Variants in ENTPD5 observed in about 807,000 individuals in gnomAD.
ENTPD5 encodes the protein ectonucleoside triphosphate diphosphohydrolase 5 (inactive), also known as nucleoside diphosphate phosphatase ENTPD5.
In ENTPD5, 49 loss-of-function variants were observed where a neutral mutation model predicts 60.2. The ratio of observed to expected loss-of-function variants is 0.81; its 90% CI spans 0.65 to 1.03. The LOEUF (loss-of-function observed/expected upper bound fraction) is 1.03. Ranked by LOEUF, ENTPD5 falls within the 50% of genes least tolerant of loss-of-function variation. The pLI is 0.00. For synonymous variants in ENTPD5, 187 were observed against 185.4 expected, an observed-to-expected ratio of 1.01 and a Z score of -0.07; for missense variants, 480 against 507.6, an observed-to-expected ratio of 0.95 and a Z score of 0.52.
intron 14 of ENTPD5, among the ~76,000 whole-genome samples, chr14:73,971,261 G>A (rs150179269): frequency 0.084 from 12,789 of 151,512 alleles, 873 homozygotes; most frequent in East Asian, 0.32. Context: ...AGGTTCAAGC[G>A]ATTCTCCTAC....
intron 4 of ENTPD5, chr14:73,987,221 G>A: frequency 1.4e-6 from 1 of 690,930 alleles, no homozygotes; most frequent in Middle Eastern, 2.9e-4. Flanking sequence ...GGATGGCAGT[G>A]AAATTCTCAT....
At chr14:74,007,862 A>T (rs1024265110) in intron 3 of ENTPD5, 2 of 141,780 alleles carry the variant, frequency 1.4e-5, no homozygotes, top group Non-Finnish European at 3.0e-5. Flanking sequence ...ATGGAGTCTC[A>T]CTCTGTCACT....
In ENTPD5 at chr14:73,964,238, A is replaced by G. The variant is rs1467988122; in HGVS notation, c.*2690T>C. Reference sequence around the variant, plus strand: ...ACAATGATGTTAAACACCATCTGTCACGTACCAGGCCATGTCCTAAGTATT... The same window carrying G: ...ACAATGATGTTAAACACCATCTGTCGCGTACCAGGCCATGTCCTAAGTATT... On this transcript the variant is annotated 3_prime_UTR_variant, in exon 16 of 16. Coordinates refer to ENST00000334696, the MANE Select transcript of ENTPD5 (RefSeq NM_001249.5). The G allele has an allele frequency of 6.6e-6, 1 of 152,222 alleles. No homozygotes were observed. Among genetic ancestry groups the G allele is most frequent in the Admixed American group, 6.5e-5 (1 of 15,284 alleles). 9.4% of individuals were successfully genotyped at this position (152,222 alleles called of 1,614,324 possible). A position where few individuals can be genotyped will look rare whatever the true frequency, so the allele number is the denominator to read the frequency against.
chr14:73,960,771 A>T, downstream of ENTPD5: 1 of 413,334 alleles, frequency 2.4e-6, no homozygotes, highest in Non-Finnish European at 4.2e-6. Context: ...GAAAGACTGG[A>T]GGAGTTAAAA....
downstream of ENTPD5, chr14:73,955,512 G>A: frequency 6.2e-7 from 1 of 1,613,602 alleles, no homozygotes; most frequent in Non-Finnish European, 8.5e-7. Flanking sequence ...GAATGCAGGT[G>A]CCCCTTTATC....
downstream of ENTPD5, chr14:73,959,604 C>G: frequency 1.2e-6 from 2 of 1,602,444 alleles, no homozygotes; most frequent in Non-Finnish European, 1.7e-6. Context: ...TGAAACGGAT[C>G]CTTGCCAGGC....
chr14:73,983,986 T>C (rs1207114081), intron 5 of ENTPD5, among the ~76,000 whole-genome samples: 1 of 152,020 alleles, frequency 6.6e-6, no homozygotes, highest in Non-Finnish European at 1.5e-5. Flanking sequence ...CCACCGTGCC[T>C]GGCCAAATTA....
chr14:74,010,041 C>T lies in ENTPD5; in HGVS notation c.-71+1050G>A, dbSNP rs146761108. 4.8e-3 allele frequency among the ~76,000 whole-genome samples: 734 copies of T among 152,272 alleles called. 3 individuals carry two copies. Among genetic ancestry groups the T allele is most frequent in the African/African-American group, 0.015 (622 of 41,550 alleles). ...TCCTGATCTCGTGATCCGCCTGCCT[C>T]GGCCTCTCAAAGTGCTGGGATTACA... is the stretch of plus-strand genomic sequence containing the variant. On this transcript the variant is annotated intron_variant, in intron 3 of 15. Coordinates refer to ENST00000334696, the MANE Select transcript of ENTPD5 (RefSeq NM_001249.5).
rs780211543 is a variant in ENTPD5, at chr14:73,987,876, T to A, written c.217+10A>T. On this transcript the variant is annotated intron_variant, in intron 4 of 15. Transcript: ENST00000334696. ...TTACAGACTCTACTAAGGGTCCCAG[T>A]TGCACTTACCTGGCATTTTCTGCAC... 4 of 1,613,780 alleles carry A rather than the reference T, an allele frequency of 2.5e-6. No individual in the cohort carries two copies. The highest frequency in any genetic ancestry group is 3.4e-6 in the Non-Finnish European group (4 of 1,179,862).
intron 5 of ENTPD5, 155 bp downstream of exon 5, chr14:73,986,659 A>C (rs2057913407): frequency 4.7e-6 from 3 of 642,950 alleles, no homozygotes; most frequent in Admixed American, 2.8e-5. Flanking sequence ...TGGGAAATGT[A>C]ATTAATTTTA....
chr14:73,956,202 C>A (rs1281145320), downstream of ENTPD5: 1 of 374,786 alleles, frequency 2.7e-6, no homozygotes, highest in Non-Finnish European at 5.2e-6. Context: ...GTGGCGGGCG[C>A]CTATAGACCC....
chr14:73,993,925 C>CA (rs922984024), intron 3 of ENTPD5, among the ~76,000 whole-genome samples: 28 of 87,188 alleles, frequency 3.2e-4, no homozygotes, highest in African/African-American at 4.1e-4. Context: ...AAAAAACAAA[C>CA]AAAAAAAAAC....
rs961962087 is a variant in ENTPD5, at chr14:73,964,248, C to T, written c.*2680G>A. 3.3e-5 allele frequency: 5 copies of T among 152,138 alleles called. No individual in the cohort carries two copies. Among genetic ancestry groups the T allele is most frequent in the African/African-American group, 7.2e-5 (3 of 41,412 alleles). The allele number at this position is 152,138 out of a possible 1,614,324, so 9.4% of individuals were successfully genotyped here. On this transcript the variant is annotated 3_prime_UTR_variant, in exon 16 of 16. Transcript: ENST00000334696. The stretch of plus-strand genomic sequence containing the variant: ...TAAACACCATCTGTCACGTACCAGG[C>T]CATGTCCTAAGTATTTTAAATATGT...
At chr14:73,955,613 A>G (rs753741879), downstream of ENTPD5, 19 of 1,365,158 alleles carry the variant, frequency 1.4e-5, no homozygotes, top group Non-Finnish European at 1.9e-5. Flanking sequence ...GAATCAGACA[A>G]GGTTCACATT....
At chr14:73,975,811 G>A in intron 10 of ENTPD5, 125 bp downstream of exon 10, 1 of 753,422 alleles carries the variant, frequency 1.3e-6, no homozygotes, top group East Asian at 2.6e-5. Context: ...CAGTTGATAG[G>A]CCTTAGGGAA....
chr14:73,959,238 C>T, downstream of ENTPD5: 1 of 1,614,240 alleles, frequency 6.2e-7, no homozygotes, highest in South Asian at 1.1e-5. Context: ...AGAGGTCCTT[C>T]TGACCAGTCC....
At chr14:73,977,584 C>T (rs1246130111) in intron 6 of ENTPD5, among the ~76,000 whole-genome samples, 3 of 151,878 alleles carry the variant, frequency 2.0e-5, no homozygotes, top group Non-Finnish European at 4.4e-5. Flanking sequence ...ACAGAGATTC[C>T]TTTGACTTTA....
At chr14:73,970,935 C>A (rs1313858059) in intron 14 of ENTPD5, among the ~76,000 whole-genome samples, 2 of 151,756 alleles carry the variant, frequency 1.3e-5, no homozygotes, top group African/African-American at 4.9e-5. Context: ...ACACGATCCT[C>A]CTGCCTCAGC....
At position 73,965,085 on chromosome 14, in the gene ENTPD5, A is replaced by G. The variant is rs2056917919; in HGVS notation, c.*1843T>C. 2 of 152,222 alleles carry G rather than the reference A, an allele frequency of 1.3e-5. No individual in the cohort carries two copies. Among genetic ancestry groups the G allele is most frequent in the South Asian group, 4.1e-4 (2 of 4,824 alleles). The allele number at this position is 152,222 out of a possible 1,614,324, so 9.4% of individuals were successfully genotyped here. Reference sequence around the variant, plus strand: ...ACCTTAGTAATAAAAGTCAGTGTGAAGTCTAAAGAAATTCCACAATGAATT... The same window carrying G: ...ACCTTAGTAATAAAAGTCAGTGTGAGGTCTAAAGAAATTCCACAATGAATT... On this transcript the variant is annotated 3_prime_UTR_variant, in exon 16 of 16. Transcript: ENST00000334696.
Sources: allele counts gnomAD v4.1 joint callset (sites outside exome capture counted in the v4.1 genomes callset), GRCh38; gene constraint gnomAD v4.1.1; transcripts MANE v1.5; gene names NCBI Gene and HGNC (gene_info 2026-07-23, HGNC 2026-07-21).